CDKL3: variants seen among roughly 807,000 people sequenced by gnomAD.
CDKL3 encodes the protein cyclin-dependent kinase-like 3.
CDKL3 carries 65 observed loss-of-function variants against 69.3 expected under a neutral mutation model. The ratio of observed to expected loss-of-function variants is 0.94; its 90% confidence interval spans 0.77 to 1.15. The LOEUF (loss-of-function observed/expected upper bound fraction) is 1.15, where lower values mean the gene tolerates loss of function less well. Ranked by LOEUF, CDKL3 falls within the 50% of genes most tolerant of loss-of-function variation. The pLI is 0.00. For synonymous variants in CDKL3, 202 were observed against 221.6 expected (o/e 0.91, Z 0.79); for missense variants, 652 against 689.2 (o/e 0.95, Z 0.61).
At chr5:134,331,190 C>T (rs1369424146) in intron 4 of CDKL3, among the ~76,000 whole-genome samples, 2 of 152,126 alleles carry the variant, frequency 1.3e-5, no homozygotes, top group Admixed American at 6.6e-5. Context: ...TTAGGGCAAT[C>T]GTCCCCTTCA....
downstream of CDKL3, chr5:134,298,355 G>C: frequency 8.9e-7 from 1 of 1,128,656 alleles, no homozygotes. Flanking sequence ...AGATCATTAA[G>C]TATAAGTACA....
chr5:134,291,725 G>C (rs1028463312), intron 8 of CDKL3, among the ~76,000 whole-genome samples: 2 of 150,410 alleles, frequency 1.3e-5, no homozygotes, highest in Non-Finnish European at 2.9e-5. Context: ...AGTGAGCCAA[G>C]ATCATGCCAT....
At chr5:134,321,752 T>C in intron 5 of CDKL3, 39 bp downstream of exon 5, 2 of 1,073,520 alleles carry the variant, frequency 1.9e-6, no homozygotes, top group Non-Finnish European at 2.8e-6. Flanking sequence ...GCAATATTTA[T>C]TTTAGACATG....
chr5:134,306,540 G>T, intron 10 of CDKL3, 69 bp downstream of exon 10: 1 of 926,022 alleles, frequency 1.1e-6, no homozygotes. Flanking sequence ...GAGCCCTAAA[G>T]ATAGAGAAAA....
At chr5:134,284,979 C>T (rs1764795791), downstream of CDKL3, among the ~76,000 whole-genome samples, 3 of 152,200 alleles carry the variant, frequency 2.0e-5, no homozygotes, top group South Asian at 4.1e-4. Context: ...ACATCCTCAG[C>T]TTACGAAGAT....
intron 3 of CDKL3, among the ~76,000 whole-genome samples, chr5:134,358,729 C>T (rs960504572): frequency 1.3e-5 from 2 of 152,108 alleles, no homozygotes; most frequent in African/African-American, 4.8e-5. Flanking sequence ...CTCGGCCTCA[C>T]AAGTAGCCGG....
At chr5:134,300,495 C>A (rs2149414299) in intron 12 of CDKL3, among the ~76,000 whole-genome samples, 1 of 152,286 alleles carries the variant, frequency 6.6e-6, no homozygotes, top group African/African-American at 2.4e-5. Context: ...CATATTCTTT[C>A]ATGCTCTAAA....
rs558156596 is a variant in CDKL3, at chr5:134,293,002, C to CTTTTTTTTTTT, written c.*678-6454_*678-6444dup. 4.6e-4 allele frequency among the ~76,000 whole-genome samples: 20 copies of CTTTTTTTTTTT among 43,878 alleles called. 2 individuals are homozygous for CTTTTTTTTTTT. Among genetic ancestry groups the CTTTTTTTTTTT allele is most frequent in the South Asian group, 1.2e-3 (1 of 832 alleles). The allele number at this position is 43,878 out of a possible 152,430, so 28.8% of individuals were successfully genotyped here. ...GCCCTGTTGGCCTCACTGCCAATTT[C>CTTTTTTTTTTT]TTTTTTTTTTTTTTTTTTTTTTTTT... On this transcript the variant is annotated intron_variant and NMD_transcript_variant, in intron 8 of 8. Transcript: ENST00000519312.
intron 2 of CDKL3, among the ~76,000 whole-genome samples, chr5:134,361,733 G>T (rs181125112): frequency 6.6e-6 from 1 of 152,078 alleles, no homozygotes; most frequent in African/African-American, 2.4e-5. Flanking sequence ...GTGAAACACC[G>T]TCTCTACTAA....
chr5:134,350,756 G>C (rs957600581), intron 3 of CDKL3, among the ~76,000 whole-genome samples: 4 of 149,402 alleles, frequency 2.7e-5, no homozygotes, highest in African/African-American at 7.4e-5. Flanking sequence ...AAGGCAGGAG[G>C]ATCACTTGAG....
intron 12 of CDKL3, among the ~76,000 whole-genome samples, chr5:134,301,965 T>C (rs1305538236): frequency 6.6e-6 from 1 of 152,142 alleles, no homozygotes; most frequent in Non-Finnish European, 1.5e-5. Flanking sequence ...CTCACAAGTG[T>C]AGAATAGGAG....
rs555447573 is a variant in CDKL3 at position 134,351,508 on chromosome 5, G to A, written c.361-1081C>T. Among the ~76,000 whole-genome samples the A allele has an allele frequency of 5.5e-4, 84 of 152,198 alleles. No homozygotes were observed. In the South Asian group the frequency reaches 7.1e-3, roughly 13 times the overall value. On this transcript the variant is annotated intron_variant, in intron 3 of 12. Coordinates refer to ENST00000265334, the MANE Select transcript of CDKL3 (RefSeq NM_001113575.2). ...AGCTCACTGCAGCCTCAAACTCCTG[G>A]GCTCAAGCAAGGAGCCTACCACCTG... is the stretch of plus-strand genomic sequence containing the variant.
chr5:134,332,764 C>T (rs1776118717), intron 4 of CDKL3, among the ~76,000 whole-genome samples: 1 of 152,194 alleles, frequency 6.6e-6, no homozygotes. Flanking sequence ...TTAGGATTGT[C>T]TTGGCTATGC....
At chr5:134,319,272 G>A (rs1772078523) in intron 6 of CDKL3, 86 bp downstream of exon 6, 3 of 1,023,940 alleles carry the variant, frequency 2.9e-6, no homozygotes, top group Non-Finnish European at 4.0e-6. Context: ...AGAGGTTGCA[G>A]TGAGCCGAGA....
intron 4 of CDKL3, among the ~76,000 whole-genome samples, chr5:134,340,840 T>A (rs1485966410): frequency 2.0e-5 from 3 of 152,142 alleles, no homozygotes; most frequent in East Asian, 1.9e-4. Flanking sequence ...AAGGAACACA[T>A]CCCATCTCAT....
In CDKL3 at chr5:134,306,613, A is replaced by T; in HGVS notation, c.1454T>A (p.Ile485Asn). Residue 485 changes from isoleucine (I) to asparagine (N), a missense_variant, in exon 10 of 13, where the codon ATT becomes AAT. Transcript: ENST00000265334. Reference protein sequence around the residue: ...PNSRQEDPGPIQSQMEKGIFN... With the variant: ...PNSRQEDPGPNQSQMEKGIFN... ...ATGTGTAGCTTCTTGCCTTACTTGAATAGGACCTGGATCCTCTTGCCTGCT... is the reference window on the plus strand; with the variant it reads ...ATGTGTAGCTTCTTGCCTTACTTGATTAGGACCTGGATCCTCTTGCCTGCT... The T allele has an allele frequency of 6.3e-7, 1 of 1,582,638 alleles. No homozygotes were observed. Among genetic ancestry groups the T allele is most frequent in the Non-Finnish European group, 8.6e-7 (1 of 1,157,804 alleles).
chr5:134,351,700 T>A lies in CDKL3; in HGVS notation c.361-1273A>T, dbSNP rs549375877. On this transcript the variant is annotated intron_variant, in intron 3 of 12. Coordinates refer to ENST00000265334, the MANE Select transcript of CDKL3 (RefSeq NM_001113575.2). ...GATCATGAGTGCTGGGCTCAAGTGATCTTCCCACCTCAGCCTTCCAAAGTG... is the reference window on the plus strand; with the variant it reads ...GATCATGAGTGCTGGGCTCAAGTGAACTTCCCACCTCAGCCTTCCAAAGTG... Among the ~76,000 whole-genome samples, 5 of 152,316 alleles carry A rather than the reference T, an allele frequency of 3.3e-5. No homozygotes were observed. The East Asian group carries it at 9.6e-4, about 29-fold the overall frequency.
intron 3 of CDKL3, among the ~76,000 whole-genome samples, chr5:134,355,399 G>A (rs1385143494): frequency 6.6e-6 from 1 of 152,082 alleles, no homozygotes; most frequent in East Asian, 1.9e-4. Flanking sequence ...AGACATCCCT[G>A]GGGAAAATTC....
intron 2 of CDKL3, among the ~76,000 whole-genome samples, chr5:134,363,680 C>T (rs1274616982): frequency 6.6e-6 from 1 of 151,942 alleles, no homozygotes; most frequent in African/African-American, 2.4e-5. Context: ...AGGCTGGTCT[C>T]GAACTCCTGA....
Sources: gnomAD v4.1 joint callset for allele counts (sites outside exome capture counted in the v4.1 genomes callset) on GRCh38, gnomAD v4.1.1 for gene constraint, MANE v1.5 for transcripts, NCBI Gene and HGNC (gene_info 2026-07-23, HGNC 2026-07-21) for gene names.